The following SLC16A14 variants were observed in gnomAD, a reference collection of about 807,000 sequenced individuals.
SLC16A14 encodes the protein monocarboxylate transporter 14.
Under a neutral mutation model 35.8 loss-of-function variants are expected in SLC16A14, and 14 were observed. The ratio of observed to expected loss-of-function variants is 0.39; its 90% CI spans 0.26 to 0.61. The LOEUF is 0.61. SLC16A14 is among the 20% of genes least tolerant of loss of function. The pLI, the probability that SLC16A14 is intolerant of heterozygous loss-of-function variation, is 0.51. For synonymous variants in SLC16A14, 248 were observed against 258.9 expected, an observed-to-expected ratio of 0.96 and a Z score of 0.40; for missense variants, 533 against 655.0, an observed-to-expected ratio of 0.81 and a Z score of 2.03.
chr2:230,041,668 C>T (rs531832657), intron 4 of SLC16A14, among the ~76,000 whole-genome samples: 1 of 152,222 alleles, frequency 6.6e-6, no homozygotes, highest in South Asian at 2.1e-4. Flanking sequence ...AAATGCCCAA[C>T]AATATTATAA....
At chr2:230,040,214 C>CATTATTATT (rs138263085) in intron 4 of SLC16A14, among the ~76,000 whole-genome samples, 3,028 of 150,470 alleles carry the variant, frequency 0.02, 94 homozygotes, top group African/African-American at 0.068. Flanking sequence ...AAATTGAATT[C>CATTATTATT]ATTATTATTA....
chr2:230,044,635 C>G (rs1280749548), intron 4 of SLC16A14, among the ~76,000 whole-genome samples: 1 of 151,920 alleles, frequency 6.6e-6, no homozygotes, highest in Non-Finnish European at 1.5e-5. Context: ...GAAACAAATT[C>G]CCCCCTAAAG....
intron 4 of SLC16A14, among the ~76,000 whole-genome samples, chr2:230,044,169 CA>C (rs545897408): frequency 9.3e-4 from 142 of 152,166 alleles, no homozygotes; most frequent in African/African-American, 3.3e-3. Flanking sequence ...TAATCATAGA[CA>C]CCCTTATAAG....
rs748370937 is a variant in SLC16A14, at chr2:230,046,101, T to C, written c.1025A>G (p.Asn342Ser). 5.6e-5 allele frequency: 90 copies of C among 1,613,930 alleles called. No individual in the cohort carries two copies. The highest frequency in any genetic ancestry group is 7.4e-5 in the Non-Finnish European group (87 of 1,179,908). ...IPFIHLPEIV[N>S]LYNLSEQNDV... ...GTTTTGCTCCGATAAGTTATACAAA[T>C]TGACGATTTCTGGGAGGTGAATGAA... Residue 342 changes from asparagine to serine, a missense_variant, in exon 4 of 5, where the codon AAT becomes AGT. Transcript: ENST00000295190. The surrounding 1 kb of genome is among the most constrained non-coding windows in gnomAD (Gnocchi z 5.0).
At chr2:230,043,675 TGAG>T (rs1403154060) in intron 4 of SLC16A14, among the ~76,000 whole-genome samples, 5 of 152,384 alleles carry the variant, frequency 3.3e-5, no homozygotes, top group Admixed American at 1.3e-4. Context: ...CCTGGCTGTC[TGAG>T]GGCCACCACC....
chr2:230,066,705 G>A (rs746416290), intron 1 of SLC16A14: 2 of 405,218 alleles, frequency 4.9e-6, no homozygotes, highest in South Asian at 1.7e-5. Flanking sequence ...TGAGATCTCG[G>A]CTCACTGCAA....
At chr2:230,067,547 T>TCTCTCTCTCTCTCTCTCTCTCA in intron 1 of SLC16A14, among the ~76,000 whole-genome samples, 1 of 49,288 alleles carries the variant, frequency 2.0e-5, no homozygotes, top group African/African-American at 5.3e-5. Flanking sequence ...TCTCTCTCTC[T>TCTCTCTCTCTCTCTCTCTCTCA]CTCTCTCTCT....
At chr2:230,057,509 C>A (rs1290400257) in intron 2 of SLC16A14, among the ~76,000 whole-genome samples, 1 of 152,050 alleles carries the variant, frequency 6.6e-6, no homozygotes, top group Non-Finnish European at 1.5e-5. Context: ...TGGCTCAGGC[C>A]TGTAATTCCA....
chr2:230,066,543 G>A, intron 1 of SLC16A14: 1 of 373,584 alleles, frequency 2.7e-6, no homozygotes, highest in African/African-American at 2.2e-5. Flanking sequence ...GTGATAATAG[G>A]CAGAAATGAA....
chr2:230,042,848 C>T (rs569999092), intron 4 of SLC16A14, among the ~76,000 whole-genome samples: 1 of 152,306 alleles, frequency 6.6e-6, no homozygotes, highest in East Asian at 1.9e-4. Context: ...CTGAGCCTTT[C>T]CCCACTTCCT....
At chr2:230,048,943 A>AAAAAAAAAAG (rs562094733) in intron 3 of SLC16A14, among the ~76,000 whole-genome samples, 1 of 107,308 alleles carries the variant, frequency 9.3e-6, no homozygotes, top group Non-Finnish European at 1.9e-5. Flanking sequence ...AAAAAAAAAA[A>AAAAAAAAAAG]AACAAATGAT....
rs1370972430 is a variant in SLC16A14, at chr2:230,068,289, C to T, written c.-15+266G>A. ...GAGCAGCAAGGCGCGCGTCCCCAAG[C>T]TCCGCCTGGCGGTCTGCCCTGAACC... is the stretch of plus-strand genomic sequence containing the variant. On this transcript the variant is annotated intron_variant, in intron 1 of 4. Transcript: ENST00000295190. The surrounding 1 kb of genome is among the most constrained non-coding windows in gnomAD (Gnocchi z 5.1). The T allele has an allele frequency of 4.6e-5, 7 of 152,300 alleles. No homozygotes were observed. The highest frequency in any genetic ancestry group is 1.7e-4 in the African/African-American group (7 of 41,472). 9.4% of individuals were successfully genotyped at this position (152,300 alleles called of 1,614,324 possible). A position where few individuals can be genotyped will look rare whatever the true frequency, so the allele number is the denominator to read the frequency against.
chr2:230,042,856 C>T (rs1043233838), intron 4 of SLC16A14, among the ~76,000 whole-genome samples: 2 of 152,158 alleles, frequency 1.3e-5, no homozygotes, highest in Non-Finnish European at 2.9e-5. Flanking sequence ...TTCCCCACTT[C>T]CTTCTCCCTG....
intron 2 of SLC16A14, among the ~76,000 whole-genome samples, chr2:230,054,851 T>TG (rs1231661029): frequency 1.4e-5 from 2 of 148,120 alleles, no homozygotes; most frequent in Non-Finnish European, 3.0e-5. Context: ...GCCGAGATCG[T>TG]GCCACTGCAC....
At chr2:230,058,752 C>G (rs1253396345) in intron 2 of SLC16A14, among the ~76,000 whole-genome samples, 1 of 152,200 alleles carries the variant, frequency 6.6e-6, no homozygotes, top group African/African-American at 2.4e-5. Flanking sequence ...CCTGCTTCAG[C>G]CTCCCGAGTA....
intron 3 of SLC16A14, among the ~76,000 whole-genome samples, chr2:230,049,225 G>A (rs1292919194): frequency 7.7e-6 from 1 of 129,786 alleles, no homozygotes; most frequent in African/African-American, 2.8e-5. Context: ...AGGTGCCACC[G>A]CACTTGGCTA....
At chr2:230,039,983 C>T (rs145013890) in intron 4 of SLC16A14, among the ~76,000 whole-genome samples, 19 of 152,130 alleles carry the variant, frequency 1.2e-4, no homozygotes, top group Non-Finnish European at 2.1e-4. Flanking sequence ...ATCTCTCCCC[C>T]GCTCATCAGC....
At chr2:230,065,056 G>A (rs752039277) in intron 1 of SLC16A14, among the ~76,000 whole-genome samples, 8 of 152,274 alleles carry the variant, frequency 5.3e-5, no homozygotes, top group Middle Eastern at 3.4e-3. Context: ...TTTTCAGCCC[G>A]TGTGTTGAAA....
chr2:230,059,810 G>T (rs772954858), intron 1 of SLC16A14, among the ~76,000 whole-genome samples: 13 of 152,194 alleles, frequency 8.5e-5, no homozygotes, highest in Non-Finnish European at 1.9e-4. Context: ...GCTTCACCTT[G>T]GTGGGGTCCC....
Sources: gnomAD v4.1 joint callset for allele counts (sites outside exome capture counted in the v4.1 genomes callset) on GRCh38, gnomAD v4.1.1 for gene constraint, Gnocchi (gnomAD v3.1) non-coding constraint, MANE v1.5 for transcripts, NCBI Gene and HGNC (gene_info 2026-07-23, HGNC 2026-07-21) for gene names.